The following LRMDA variants were observed in gnomAD, a reference collection of about 807,000 sequenced individuals.
LRMDA encodes leucine rich melanocyte differentiation associated.
Under a neutral mutation model 29.8 loss-of-function variants are expected in LRMDA, and 18 were observed. That is an observed-to-expected ratio of 0.60 (90% CI 0.42 to 0.90). The LOEUF is 0.90. LRMDA is among the 40% of genes least tolerant of loss of function. The pLI, the probability that LRMDA is intolerant of heterozygous loss-of-function variation, is 0.00. For synonymous variants in LRMDA, 125 were observed against 109.4 expected (o/e 1.14, Z -0.89); for missense variants, 273 against 273.9 (o/e 1.00, Z 0.02).
intron 5 of LRMDA, among the ~76,000 whole-genome samples, chr10:76,149,728 T>C (rs569260506): frequency 6.6e-6 from 1 of 152,186 alleles, no homozygotes; most frequent in Admixed American, 6.5e-5. Context: ...AATTACTGTT[T>C]CACTGCTATA....
intron 6 of LRMDA, among the ~76,000 whole-genome samples, chr10:76,328,536 C>G (rs1303666881): frequency 6.6e-6 from 1 of 152,160 alleles, no homozygotes; most frequent in Non-Finnish European, 1.5e-5. Context: ...ATTCTCAGGT[C>G]CCCCTGACCT....
chr10:76,551,631 T>G (rs985342206), intron 6 of LRMDA, among the ~76,000 whole-genome samples: 4 of 152,188 alleles, frequency 2.6e-5, no homozygotes, highest in African/African-American at 2.4e-5. Flanking sequence ...TAATTTCAAC[T>G]TACAATAGGT....
chr10:76,455,771 G>A (rs1842450983), intron 6 of LRMDA, among the ~76,000 whole-genome samples: 1 of 152,122 alleles, frequency 6.6e-6, no homozygotes, highest in African/African-American at 2.4e-5. Flanking sequence ...GAGGGTATAT[G>A]ACAAGGGCAA....
chr10:76,441,130 A>G (rs1328517456), intron 6 of LRMDA, among the ~76,000 whole-genome samples: 1 of 152,088 alleles, frequency 6.6e-6, no homozygotes, highest in African/African-American at 2.4e-5. Flanking sequence ...CAGATGGTGC[A>G]TGAGTGATAT....
intron 6 of LRMDA, among the ~76,000 whole-genome samples, chr10:76,414,197 A>G (rs1363049530): frequency 2.0e-5 from 3 of 152,220 alleles, no homozygotes; most frequent in Non-Finnish European, 4.4e-5. Flanking sequence ...CTGACTTAAC[A>G]GTGTTATATC....
At chr10:76,146,784 T>C (rs922665979) in intron 5 of LRMDA, among the ~76,000 whole-genome samples, 3 of 152,214 alleles carry the variant, frequency 2.0e-5, no homozygotes, top group East Asian at 1.9e-4. Context: ...CTAGCCTTGA[T>C]AGTCTTTACA....
At chr10:75,761,789 C>CTTTTGTTTTTTTTT in intron 2 of LRMDA, among the ~76,000 whole-genome samples, 1 of 145,990 alleles carries the variant, frequency 6.8e-6, no homozygotes, top group African/African-American at 2.6e-5. Context: ...TTTTGGTATA[C>CTTTTGTTTTTTTTT]TTTTGTTTTT....
chr10:76,042,065 T>C (rs1475476794), intron 3 of LRMDA, among the ~76,000 whole-genome samples: 2 of 152,206 alleles, frequency 1.3e-5, no homozygotes, highest in Non-Finnish European at 2.9e-5. Flanking sequence ...ATGTTGGATC[T>C]CAAAACCAGC....
Position 76,558,719 on chromosome 10 carries a change from C to T in LRMDA, c.*1431C>T, listed in dbSNP as rs898135267. 6.6e-6 allele frequency: 1 copy of T among 152,306 alleles called. No individual in the cohort carries two copies. Among genetic ancestry groups the T allele is most frequent in the East Asian group, 1.9e-4 (1 of 5,170 alleles). 9.4% of individuals were successfully genotyped at this position (152,306 alleles called of 1,614,324 possible). ...TTGTAAAACTATGGGGACTCAGAAT[C>T]CCTAAGCTGCCCAAGGAGAACCTAC... On this transcript the variant is annotated 3_prime_UTR_variant, in exon 7 of 7. Transcript: ENST00000611255.
intron 6 of LRMDA, among the ~76,000 whole-genome samples, chr10:76,388,142 C>T (rs1054887804): frequency 6.6e-6 from 1 of 152,100 alleles, no homozygotes; most frequent in African/African-American, 2.4e-5. Context: ...TATCTATGTT[C>T]TAAGTATTAT....
chr10:75,516,801 C>G (rs1038661080), intron 2 of LRMDA, among the ~76,000 whole-genome samples: 1 of 152,078 alleles, frequency 6.6e-6, no homozygotes, highest in Non-Finnish European at 1.5e-5. Context: ...ATGATACTGC[C>G]TAGATTTTCT....
chr10:75,988,070 T>C (rs1589278258), intron 2 of LRMDA, among the ~76,000 whole-genome samples: 1 of 152,246 alleles, frequency 6.6e-6, no homozygotes, highest in African/African-American at 2.4e-5. Context: ...TCTGTGTCAC[T>C]TTCCATTCTG....
intron 6 of LRMDA, among the ~76,000 whole-genome samples, chr10:76,390,977 T>G (rs553856210): frequency 3.3e-5 from 5 of 152,302 alleles, no homozygotes; most frequent in African/African-American, 1.2e-4. Flanking sequence ...TTAGGAATTT[T>G]CAACATATGA....
At chr10:75,846,352 A>G (rs1278973914) in intron 2 of LRMDA, among the ~76,000 whole-genome samples, 1 of 152,194 alleles carries the variant, frequency 6.6e-6, no homozygotes, top group Non-Finnish European at 1.5e-5. Context: ...AACAAGTCTC[A>G]AAAGGCAAAA....
intron 2 of LRMDA, among the ~76,000 whole-genome samples, chr10:75,594,984 T>TGGA (rs1840768312): frequency 6.6e-6 from 1 of 152,216 alleles, no homozygotes; most frequent in African/African-American, 2.4e-5. Context: ...TAAATTATCT[T>TGGA]TCTCTTATCA....
At chr10:75,567,896 T>C (rs973041031) in intron 2 of LRMDA, among the ~76,000 whole-genome samples, 1 of 152,212 alleles carries the variant, frequency 6.6e-6, no homozygotes, top group Admixed American at 6.5e-5. Flanking sequence ...ATAGGGGTGA[T>C]GTATGAGAAA....
chr10:76,084,364 A>ATTTTTGTTT (rs1849099143), intron 5 of LRMDA, among the ~76,000 whole-genome samples: 1 of 70,904 alleles, frequency 1.4e-5, no homozygotes, highest in Non-Finnish European at 2.6e-5. Flanking sequence ...CGCCCAGCTA[A>ATTTTTGTTT]TTTTTTTTTT....
chr10:76,363,166 A>AGG (rs1841336920), intron 6 of LRMDA, among the ~76,000 whole-genome samples: 5 of 25,948 alleles, frequency 1.9e-4, no homozygotes, highest in African/African-American at 5.6e-4. Context: ...AGAAAGAAAG[A>AGG]AAGAAAGAAA....
chr10:76,424,947 A>C (rs2132525059), intron 6 of LRMDA, among the ~76,000 whole-genome samples: 2 of 152,296 alleles, frequency 1.3e-5, no homozygotes, highest in South Asian at 4.1e-4. Context: ...ACCTTAACCC[A>C]TCTCTCTTTC....
Sources: gnomAD v4.1 joint callset for allele counts (sites outside exome capture counted in the v4.1 genomes callset) on GRCh38, gnomAD v4.1.1 for gene constraint, MANE v1.5 for transcripts, NCBI Gene and HGNC (gene_info 2026-07-23, HGNC 2026-07-21) for gene names.